Variants in MYH7B observed in about 807,000 individuals in gnomAD.
The protein encoded by MYH7B is myosin-7B.
MYH7B carries 205 observed loss-of-function variants against 234.5 expected under a neutral mutation model. The observed-to-expected ratio is 0.87, with a 90% CI of 0.78 to 0.98. The LOEUF (loss-of-function observed/expected upper bound fraction) is 0.98, where lower values mean the gene tolerates loss of function less well. Ranked by LOEUF, MYH7B falls within the 50% of genes least tolerant of loss-of-function variation. The probability of loss-of-function intolerance (pLI) is 0.00; values close to 1 mark genes in which losing one functional copy is unlikely to be tolerated. For synonymous variants in MYH7B, 1,193 were observed against 1,105.0 expected (o/e 1.08, Z -1.58); for missense variants, 2,652 against 2,633.4 (o/e 1.01, Z -0.15).
chr20:34,999,249 G>C, exon 36 of MYH7B: 6 of 1,605,590 alleles, frequency 3.7e-6, no homozygotes, highest in Non-Finnish European at 5.1e-6. Flanking sequence ...GGCACTGGAG[G>C]AACGGCGGCG....
In MYH7B at chr20:34,976,007, C is replaced by A. The variant is rs549731476; in HGVS notation, c.-122+508C>A. The stretch of plus-strand genomic sequence containing the variant: ...CTGGGATTACAGGCGTGAGCCACTG[C>A]GCTTGGCCGGCACTGTAATTTTAAA... On this transcript the variant is annotated intron_variant, in intron 3 of 44. Transcript: ENST00000262873. 2.6e-5 allele frequency among the ~76,000 whole-genome samples: 4 copies of A among 152,352 alleles called. No homozygotes were observed. In the South Asian group the frequency reaches 8.3e-4, roughly 32 times the overall value.
At chr20:34,972,462 C>T (rs376101600) in intron 2 of MYH7B, among the ~76,000 whole-genome samples, 20 of 152,054 alleles carry the variant, frequency 1.3e-4, no homozygotes, top group Non-Finnish European at 2.2e-4. Flanking sequence ...GTACACGTAC[C>T]CCATTACCCT....
At chr20:34,986,136 C>G in exon 14 of MYH7B, 5 of 1,596,728 alleles carry the variant, frequency 3.1e-6, no homozygotes, top group Non-Finnish European at 4.3e-6. Flanking sequence ...TTCCAGTTGC[C>G]TGGTGAGCGC....
intron 4 of MYH7B, 58 bp downstream of exon 4, chr20:34,977,738 G>GGGGGGGGGGGGGGCCCC: frequency 3.2e-6 from 1 of 317,144 alleles, no homozygotes; most frequent in Non-Finnish European, 5.9e-6. Flanking sequence ...GGGCGGGTGG[G>GGGGGGGGGGGGGGCCCC]TGAGGGTGCC....
chr20:34,988,001 C>T, intron 18 of MYH7B, 87 bp downstream of exon 18: 3 of 1,563,268 alleles, frequency 1.9e-6, no homozygotes, highest in South Asian at 2.4e-5. Flanking sequence ...GGCCTTCTGC[C>T]TGGAAGTTGG....
chr20:34,986,727 A>G (rs2147193760), intron 14 of MYH7B, among the ~76,000 whole-genome samples, 159 bp from the exon 15 acceptor site: 1 of 152,246 alleles, frequency 6.6e-6, no homozygotes, highest in East Asian at 1.9e-4. Context: ...AGGAGTGAGG[A>G]TGAGAAACTT....
chr20:34,977,726 G>T, intron 4 of MYH7B, 46 bp downstream of exon 4: 1 of 1,371,186 alleles, frequency 7.3e-7, no homozygotes, highest in Non-Finnish European at 1.0e-6. Flanking sequence ...GGGCAGGAGG[G>T]TGGGCGGGTG....
At chr20:34,979,099 A>G (rs2081900641) in intron 5 of MYH7B, among the ~76,000 whole-genome samples, 1 of 152,222 alleles carries the variant, frequency 6.6e-6, no homozygotes, top group Non-Finnish European at 1.5e-5. Flanking sequence ...GAACTGGCCC[A>G]GAGAGAATCA....
intron 27 of MYH7B, among the ~76,000 whole-genome samples, chr20:34,994,975 C>T (rs2082225533): frequency 6.6e-6 from 1 of 152,244 alleles, no homozygotes; most frequent in Admixed American, 6.5e-5. Flanking sequence ...CTGAGCCCTT[C>T]CAGGGACTGC....
In MYH7B at chr20:34,986,300, C is replaced by T; in HGVS notation, c.904+102C>T. The T allele has an allele frequency of 5.6e-6, 5 of 898,468 alleles. 1 individual carries two copies. In the South Asian group the frequency reaches 7.2e-5, roughly 13 times the overall value. The allele number at this position is 898,468 out of a possible 1,614,324, so 55.7% of individuals were successfully genotyped here. A position where few individuals can be genotyped will look rare whatever the true frequency, so the allele number is the denominator to read the frequency against. On this transcript the variant is annotated intron_variant, in intron 14 of 44. Transcript: ENST00000262873. ...CCAGGCCCTGGTGGTCTTTCCCTCC[C>T]TGTCCTGGGGTCTGTGGCCTCTCTT...
exon 16 of MYH7B, chr20:34,987,178 G>A (rs772940020): frequency 2.5e-6 from 4 of 1,613,276 alleles, no homozygotes; most frequent in African/African-American, 1.3e-5. Flanking sequence ...GCTTCAGCGT[G>A]GATGAGAAAT....
chr20:34,989,775 C>T, exon 20 of MYH7B: 1 of 1,614,116 alleles, frequency 6.2e-7, no homozygotes, highest in Non-Finnish European at 8.5e-7. Context: ...AGGAGGAATG[C>T]ATGTTCCCCA....
intron 2 of MYH7B, among the ~76,000 whole-genome samples, chr20:34,962,652 GA>G (rs2081708290): frequency 6.6e-6 from 1 of 151,554 alleles, no homozygotes; most frequent in Non-Finnish European, 1.5e-5. Context: ...TTTATTTTGA[GA>G]CAAGGTCTCA....
At chr20:35,001,523 G>A (rs1402861624) in exon 43 of MYH7B, 4 of 1,605,844 alleles carry the variant, frequency 2.5e-6, no homozygotes, top group Non-Finnish European at 2.6e-6. Flanking sequence ...AGTTTGAGGA[G>A]GCGGTGAGTG....
At chr20:34,987,703 G>T (rs367738266) in intron 17 of MYH7B, 28 bp downstream of exon 17, 2 of 1,612,168 alleles carry the variant, frequency 1.2e-6, no homozygotes, top group Admixed American at 1.7e-5. Context: ...CAAACCCATG[G>T]GGGACAGCCG....
chr20:34,987,177 T>G, exon 16 of MYH7B: 2 of 1,613,290 alleles, frequency 1.2e-6, no homozygotes, highest in Non-Finnish European at 1.7e-6. Context: ...GGCTTCAGCG[T>G]GGATGAGAAA....
intron 10 of MYH7B, 85 bp from the exon 11 acceptor site, chr20:34,984,597 CCTGCTGCCCG>C: frequency 8.7e-7 from 1 of 1,148,620 alleles, no homozygotes; most frequent in South Asian, 1.3e-5. Flanking sequence ...ACCCCCCTGT[CCTGCTGCCCG>C]CTGCCTCCCG....
chr20:34,963,569 A>G (rs1268734026), intron 2 of MYH7B, among the ~76,000 whole-genome samples: 2 of 152,310 alleles, frequency 1.3e-5, no homozygotes, highest in Admixed American at 6.5e-5. Context: ...TTTGAAGCAC[A>G]TATTTTAAAA....
intron 3 of MYH7B, among the ~76,000 whole-genome samples, chr20:34,976,001 C>T (rs992126628): frequency 6.6e-6 from 1 of 152,208 alleles, no homozygotes; most frequent in Non-Finnish European, 1.5e-5. Context: ...CAGGCGTGAG[C>T]CACTGCGCTT....
Sources: allele counts gnomAD v4.1 joint callset (sites outside exome capture counted in the v4.1 genomes callset), GRCh38; gene constraint gnomAD v4.1.1; transcripts MANE v1.5; gene names NCBI Gene and HGNC (gene_info 2026-07-23, HGNC 2026-07-21).